MARCHF7: variants seen among roughly 807,000 people sequenced by gnomAD.
MARCHF7 encodes E3 ubiquitin-protein ligase MARCHF7.
In MARCHF7, 20 loss-of-function variants were observed where a neutral mutation model predicts 76.5. The observed-to-expected ratio is 0.26, with a 90% CI of 0.18 to 0.38. MARCHF7 has a LOEUF of 0.38. Among genes scored for constraint, MARCHF7 ranks in the 10% least tolerant of loss-of-function variants. The probability of loss-of-function intolerance (pLI) is 1.00; values close to 1 mark genes in which losing one functional copy is unlikely to be tolerated. For synonymous variants in MARCHF7, 295 were observed against 293.0 expected (o/e 1.01, Z -0.07); for missense variants, 797 against 812.9 (o/e 0.98, Z 0.24).
At chr2:159,719,017 C>G (rs1412281426) in intron 3 of MARCHF7, among the ~76,000 whole-genome samples, 1 of 152,088 alleles carries the variant, frequency 6.6e-6, no homozygotes, top group Non-Finnish European at 1.5e-5. Flanking sequence ...CAGAAAGTGT[C>G]TCACTCTGAT....
chr2:159,767,210 C>G, intron 11 of MARCHF7, 74 bp from the exon 12 acceptor site: 15 of 1,050,056 alleles, frequency 1.4e-5, no homozygotes, highest in Non-Finnish European at 2.2e-5. Flanking sequence ...CATTGCTGTT[C>G]TGGCTTCATA....
chr2:159,714,063 A>G (rs1018901107), intron 1 of MARCHF7, among the ~76,000 whole-genome samples: 2 of 152,236 alleles, frequency 1.3e-5, no homozygotes, highest in African/African-American at 4.8e-5. Context: ...TATGTTCTAC[A>G]TGAAGGTGTC....
chr2:159,735,506 A>G (rs1038215363), intron 4 of MARCHF7, among the ~76,000 whole-genome samples: 2 of 152,208 alleles, frequency 1.3e-5, no homozygotes. Context: ...TACCAGTGCA[A>G]AGCAACCATT....
chr2:159,751,165 C>T (rs1053192830), intron 7 of MARCHF7, among the ~76,000 whole-genome samples: 1 of 152,156 alleles, frequency 6.6e-6, no homozygotes, highest in African/African-American at 2.4e-5. Flanking sequence ...ATATTTTCAG[C>T]CCTTAAGGTT....
intron 5 of MARCHF7, 62 bp downstream of exon 5, chr2:159,743,315 T>A: frequency 2.7e-6 from 4 of 1,483,578 alleles, no homozygotes; most frequent in Non-Finnish European, 3.7e-6. Flanking sequence ...ACAGTTGTTC[T>A]TAGTTTTGGA....
chr2:159,728,232 A>G (rs1392096571), intron 3 of MARCHF7, among the ~76,000 whole-genome samples: 1 of 152,244 alleles, frequency 6.6e-6, no homozygotes, highest in East Asian at 1.9e-4. Flanking sequence ...CAGTGAACTA[A>G]CAGATAATCA....
Position 159,747,868 on chromosome 2 carries a change from CTT to C in MARCHF7, c.580_581del (p.Leu194ThrfsTer14). ...AGACCAAAAGAAAACTCAATGAGCA[CTT>C]TACAGTTGAATACATCATCCACAAA... On this transcript the variant is annotated frameshift_variant, in exon 7 of 12. Transcript: ENST00000409175. LOFTEE classifies it high-confidence loss of function. 1 of 1,613,876 alleles carries C rather than the reference CTT, an allele frequency of 6.2e-7. No homozygotes were observed. Among genetic ancestry groups the C allele is most frequent in the Non-Finnish European group, 8.5e-7 (1 of 1,179,886 alleles).
rs1159461759 is a variant in MARCHF7, at chr2:159,733,222, G to T, written c.153+4047G>T. The T allele has an allele frequency of 4.6e-6, 4 of 871,272 alleles. No individual in the cohort carries two copies. The African/African-American group carries it at 7.3e-5, about 16-fold the overall frequency. 54.0% of individuals were successfully genotyped at this position (871,272 alleles called of 1,614,324 possible). On this transcript the variant is annotated intron_variant, in intron 4 of 11. Coordinates refer to ENST00000409175, the MANE Select transcript of MARCHF7 (RefSeq NM_001282805.2). ...TATTTAGCATTGTTAAGATTACTCA[G>T]TGTCAAAGGGAGCATTTTAAAATTA... is the stretch of plus-strand genomic sequence containing the variant.
In MARCHF7 at chr2:159,764,251, T is replaced by TGC. The variant is rs1223615270; in HGVS notation, c.2008-374_2008-373insCG. On this transcript the variant is annotated intron_variant, in intron 10 of 11. Coordinates refer to ENST00000409175, the MANE Select transcript of MARCHF7 (RefSeq NM_001282805.2). The stretch of plus-strand genomic sequence containing the variant: ...GTGTGTGTGTGTGTGTGTGTGTGTG[T>TGC]GTGTGCGCGCGCCCACTGAAACTGA... Among the ~76,000 whole-genome samples, 234 of 124,768 alleles carry TGC rather than the reference T, an allele frequency of 1.9e-3. 2 individuals carry two copies. Among genetic ancestry groups the TGC allele is most frequent in the Admixed American group, 4.6e-3 (53 of 11,476 alleles). The allele number at this position is 124,768 out of a possible 152,430, so 81.9% of individuals were successfully genotyped here.
At chr2:159,719,979 TG>T (rs1308563306) in intron 3 of MARCHF7, among the ~76,000 whole-genome samples, 4 of 152,188 alleles carry the variant, frequency 2.6e-5, no homozygotes, top group African/African-American at 9.7e-5. Context: ...GGACTGCCGC[TG>T]CCTAGTGCTT....
At chr2:159,761,660 C>G (rs1560028363) in intron 9 of MARCHF7, among the ~76,000 whole-genome samples, 1 of 152,086 alleles carries the variant, frequency 6.6e-6, no homozygotes. Context: ...GATCCACCCA[C>G]TCCAGCCTCC....
chr2:159,723,962 A>G (rs933888808), intron 3 of MARCHF7, among the ~76,000 whole-genome samples: 3 of 152,112 alleles, frequency 2.0e-5, no homozygotes, highest in Admixed American at 2.0e-4. Flanking sequence ...CTTTCTGCAT[A>G]GCATCCCCCT....
At chr2:159,761,269 C>T (rs1310187432) in intron 9 of MARCHF7, among the ~76,000 whole-genome samples, 1 of 151,814 alleles carries the variant, frequency 6.6e-6, no homozygotes, top group Admixed American at 6.6e-5. Flanking sequence ...GGTGAGCCAC[C>T]CGCCTCGGCC....
intron 3 of MARCHF7, among the ~76,000 whole-genome samples, chr2:159,718,930 C>T (rs1449998997): frequency 6.6e-6 from 1 of 152,162 alleles, no homozygotes; most frequent in Non-Finnish European, 1.5e-5. Context: ...CCGTCAGCCA[C>T]ACTGCTCTCC....
At chr2:159,743,975 T>C (rs1286568136) in intron 5 of MARCHF7, among the ~76,000 whole-genome samples, 2 of 7,586 alleles carry the variant, frequency 2.6e-4, no homozygotes, top group African/African-American at 2.0e-3. Context: ...GTAGGAGTTC[T>C]TTTTTTTTTT....
At chr2:159,756,601 C>T (rs540253165) in intron 8 of MARCHF7, among the ~76,000 whole-genome samples, 4 of 142,850 alleles carry the variant, frequency 2.8e-5, no homozygotes, top group African/African-American at 7.8e-5. Flanking sequence ...GCAAGAGAAT[C>T]GCTTGAACCC....
Position 159,770,845 on chromosome 2 carries a change from A to G in MARCHF7, c.*3503A>G, listed in dbSNP as rs765513659. 8.5e-5 allele frequency: 13 copies of G among 152,204 alleles called. No homozygotes were observed. Among genetic ancestry groups the G allele is most frequent in the South Asian group, 6.2e-4 (3 of 4,824 alleles). The allele number at this position is 152,204 out of a possible 1,614,324, so 9.4% of individuals were successfully genotyped here. On this transcript the variant is annotated 3_prime_UTR_variant, in exon 12 of 12. Transcript: ENST00000409175. ...TATGCATTTCTTAGAACGTATCCCC[A>G]TTGATAAGTGATACGTGACTAATTT...
At chr2:159,733,230 G>A (rs1026519493) in intron 4 of MARCHF7, 22 of 870,328 alleles carry the variant, frequency 2.5e-5, no homozygotes, top group Non-Finnish European at 3.0e-5. Flanking sequence ...CAGTGTCAAA[G>A]GGAGCATTTT....
At chr2:159,759,359 GTAAGTGTCTATTCTATGCT>G in intron 9 of MARCHF7, 24 bp downstream of exon 9, 1 of 1,302,080 alleles carries the variant, frequency 7.7e-7, no homozygotes, top group South Asian at 1.2e-5. Context: ...GCCTAATTTG[GTAAGTGTCTATTCTATGCT>G]TCAAGGACAG....
Sources: gnomAD v4.1 joint callset for allele counts (sites outside exome capture counted in the v4.1 genomes callset) on GRCh38, gnomAD v4.1.1 for gene constraint, MANE v1.5 for transcripts, NCBI Gene and HGNC (gene_info 2026-07-23, HGNC 2026-07-21) for gene names.